The following TTC7A variants were observed in gnomAD, a reference collection of about 807,000 sequenced individuals.
TTC7A encodes the protein tetratricopeptide repeat protein 7A.
TTC7A carries 110 observed loss-of-function variants against 103.7 expected under a neutral mutation model. That is an observed-to-expected ratio of 1.06 (90% confidence interval 0.91 to 1.24). The LOEUF (loss-of-function observed/expected upper bound fraction) is 1.24. Among genes scored for constraint, TTC7A ranks in the 50% most tolerant of loss-of-function variants. The pLI, the probability that TTC7A is intolerant of heterozygous loss-of-function variation, is 0.00. For synonymous variants in TTC7A, 521 were observed against 467.9 expected (o/e 1.11, Z -1.47); for missense variants, 1,340 against 1,116.3 (o/e 1.20, Z -2.86).
chr2:47,057,253 G>A lies in TTC7A; in HGVS notation c.2153-3516G>A, dbSNP rs75592181. On this transcript the variant is annotated intron_variant, in intron 18 of 19. Coordinates refer to ENST00000319190, the MANE Select transcript of TTC7A (RefSeq NM_020458.4). ...GGCCCTGCTGGGCACTGTCTGCCAG[G>A]CTGCCAGAAGCCTTCAGGAGGCTTC... is the stretch of plus-strand genomic sequence containing the variant. Among the ~76,000 whole-genome samples the A allele has an allele frequency of 6.5e-3, 996 of 152,330 alleles. 9 individuals carry two copies. Among genetic ancestry groups the A allele is most frequent in the African/African-American group, 0.023 (950 of 41,556 alleles).
chr2:46,915,923 G>T (rs1391213185), upstream of TTC7A: 1 of 985,202 alleles, frequency 1.0e-6, no homozygotes, highest in Non-Finnish European at 1.2e-6. Context: ...CGGCTCGCGT[G>T]AGTCCACGTG....
chr2:46,961,193 G>A (rs927715530), intron 3 of TTC7A, among the ~76,000 whole-genome samples: 1 of 152,186 alleles, frequency 6.6e-6, no homozygotes, highest in Non-Finnish European at 1.5e-5. Flanking sequence ...GATTCCAGGT[G>A]CAGGTGACAG....
rs982338184 is a variant in TTC7A at position 46,941,409 on chromosome 2, C to G, written c.-133C>G. On this transcript the variant is annotated 5_prime_UTR_variant, in exon 1 of 20. Coordinates refer to ENST00000319190, the MANE Select transcript of TTC7A (RefSeq NM_020458.4). This position sits in a 1 kb window ranked among gnomAD's most constrained non-coding sequence, Gnocchi z 4.2. ...GCCCACCCTCCGCCGCCCGGGCCCC[C>G]GCTGCCGCCCGGGCCCCGGCTGCCG... 9.5e-6 allele frequency: 8 copies of G among 844,220 alleles called. No individual in the cohort carries two copies. Among genetic ancestry groups the G allele is most frequent in the Non-Finnish European group, 1.1e-5 (7 of 659,122 alleles). 52.3% of individuals were successfully genotyped at this position (844,220 alleles called of 1,614,324 possible). A position where few individuals can be genotyped will look rare whatever the true frequency, so the allele number is the denominator to read the frequency against.
At chr2:46,991,069 C>T (rs1675575713) in intron 5 of TTC7A, among the ~76,000 whole-genome samples, 2 of 152,154 alleles carry the variant, frequency 1.3e-5, no homozygotes, top group Admixed American at 6.5e-5. Flanking sequence ...CGGGCGCCAC[C>T]ACAGCCTAGT....
chr2:47,003,555 C>T (rs1282976949), intron 8 of TTC7A, among the ~76,000 whole-genome samples: 3 of 152,132 alleles, frequency 2.0e-5, no homozygotes, highest in African/African-American at 4.8e-5. Flanking sequence ...AGTGATGGCT[C>T]GCAGCCCACT....
chr2:46,997,126 G>A (rs1031425932), intron 8 of TTC7A, among the ~76,000 whole-genome samples: 8 of 152,130 alleles, frequency 5.3e-5, no homozygotes, highest in East Asian at 1.9e-4. Flanking sequence ...TTACAGGTGC[G>A]CGCCACCACA....
intron 11 of TTC7A, among the ~76,000 whole-genome samples, chr2:47,020,687 G>A (rs116672631): frequency 6.6e-6 from 1 of 152,258 alleles, no homozygotes; most frequent in Non-Finnish European, 1.5e-5. Context: ...GCTTCTCTGT[G>A]CCTTGCCTCT....
chr2:47,023,983 T>G (rs1006203448), intron 13 of TTC7A, among the ~76,000 whole-genome samples: 1 of 147,830 alleles, frequency 6.8e-6, no homozygotes, highest in African/African-American at 2.5e-5. Flanking sequence ...GCCCATGGGT[T>G]GTATATTCAT....
intron 15 of TTC7A, among the ~76,000 whole-genome samples, chr2:47,033,222 G>A (rs914700688): frequency 2.6e-5 from 4 of 152,162 alleles, no homozygotes; most frequent in African/African-American, 7.2e-5. Flanking sequence ...TTAAACAACC[G>A]GTCCGGTAAA....
intron 2 of TTC7A, among the ~76,000 whole-genome samples, chr2:46,926,754 CAA>C (rs1440373456): frequency 5.9e-5 from 9 of 152,302 alleles, no homozygotes; most frequent in African/African-American, 2.2e-4. Flanking sequence ...CATGAGGAAA[CAA>C]GACAGTGTGA....
chr2:46,995,945 T>G (rs1488330744), intron 8 of TTC7A, among the ~76,000 whole-genome samples: 2 of 152,218 alleles, frequency 1.3e-5, no homozygotes, highest in Admixed American at 6.5e-5. Context: ...AGAAGACAAA[T>G]CGTGCTAGAC....
intron 18 of TTC7A, among the ~76,000 whole-genome samples, chr2:47,059,210 A>G (rs1399759554): frequency 6.6e-6 from 1 of 150,636 alleles, no homozygotes; most frequent in Non-Finnish European, 1.5e-5. Flanking sequence ...TTTACTAGAG[A>G]CGGGGTTTCA....
chr2:46,962,261 G>T (rs1225110057), intron 3 of TTC7A, among the ~76,000 whole-genome samples: 1 of 151,998 alleles, frequency 6.6e-6, no homozygotes, highest in Non-Finnish European at 1.5e-5. Flanking sequence ...ATTCTCCTCC[G>T]ACACAGTTCA....
intron 8 of TTC7A, among the ~76,000 whole-genome samples, chr2:46,995,771 G>C (rs1300654804): frequency 2.0e-5 from 3 of 152,238 alleles, no homozygotes; most frequent in Non-Finnish European, 2.9e-5. Flanking sequence ...CTTTGTGCCA[G>C]ACCCTGCTCT....
chr2:46,997,941 CAT>C (rs1200046513), intron 8 of TTC7A, among the ~76,000 whole-genome samples: 11 of 152,186 alleles, frequency 7.2e-5, no homozygotes, highest in Admixed American at 1.3e-4. Flanking sequence ...TTTACAGAAA[CAT>C]GGCCCGTGCT....
Position 46,974,995 on chromosome 2 carries a change from C to T in TTC7A, c.540C>T (p.Pro180=). ...CAGGCCTCTCTCTGGAACGCCTACCCAACTCCATCGCCTCCCGCTTCCGCC... is the reference window on the plus strand; with the variant it reads ...CAGGCCTCTCTCTGGAACGCCTACCTAACTCCATCGCCTCCCGCTTCCGCC... The part of the protein sequence containing the change: ...VIKGLSLERL[P]NSIASRFRLT... Residue 180 remains proline (P), a synonymous_variant, in exon 4 of 20, where the codon CCC becomes CCT. Transcript: ENST00000319190. The T allele has an allele frequency of 6.2e-7, 1 of 1,613,946 alleles. No individual in the cohort carries two copies. Among genetic ancestry groups the T allele is most frequent in the African/African-American group, 1.3e-5 (1 of 75,048 alleles).
chr2:47,000,938 T>C (rs774998954), intron 8 of TTC7A, among the ~76,000 whole-genome samples: 6 of 152,120 alleles, frequency 3.9e-5, no homozygotes, highest in Non-Finnish European at 7.4e-5. Flanking sequence ...GGGTCTCTTA[T>C]GGCACGGATG....
intron 19 of TTC7A, chr2:47,065,791 A>T (rs957092224): frequency 3.9e-5 from 6 of 152,016 alleles, no homozygotes; most frequent in Non-Finnish European, 7.3e-5. Context: ...GGCTAAGGAG[A>T]GTGTGGACAC....
chr2:47,010,953 G>A (rs556765592), intron 10 of TTC7A, among the ~76,000 whole-genome samples: 2 of 152,312 alleles, frequency 1.3e-5, no homozygotes, highest in East Asian at 1.9e-4. Flanking sequence ...GCCTGCCTCG[G>A]TCTCCCAAAG....
Sources: gnomAD v4.1 joint callset for allele counts (sites outside exome capture counted in the v4.1 genomes callset) on GRCh38, gnomAD v4.1.1 for gene constraint, Gnocchi (gnomAD v3.1) non-coding constraint, MANE v1.5 for transcripts, NCBI Gene and HGNC (gene_info 2026-07-23, HGNC 2026-07-21) for gene names.